RORA: variants seen among roughly 807,000 people sequenced by gnomAD.
The protein encoded by RORA is RAR related orphan receptor A.
A neutral mutation model predicts 69.5 loss-of-function variants in RORA; 7 were observed. The ratio of observed to expected loss-of-function variants is 0.10; its 90% CI spans 0.06 to 0.19. The LOEUF is 0.19. Among genes scored for constraint, RORA ranks in the 10% least tolerant of loss-of-function variants. RORA has a pLI of 1.00. For missense variants in RORA, 457 were observed against 663.0 expected (o/e 0.69, Z 3.41); for synonymous variants, 261 against 240.8 (o/e 1.08, Z -0.78).
At chr15:60,999,138 A>G (rs1014381200) in intron 1 of RORA, among the ~76,000 whole-genome samples, 40 of 152,196 alleles carry the variant, frequency 2.6e-4, no homozygotes, top group African/African-American at 8.4e-4. Context: ...CAAGCAGTGG[A>G]ATTCTTTTTG....
chr15:61,212,250 G>T, intron 1 of RORA, among the ~76,000 whole-genome samples: 1 of 48,048 alleles, frequency 2.1e-5, no homozygotes, highest in African/African-American at 4.8e-5. Context: ...TTGTTTGTTT[G>T]TTTGTTTTAA....
chr15:61,077,358 TG>T (rs1439113095), intron 1 of RORA, among the ~76,000 whole-genome samples: 1 of 152,182 alleles, frequency 6.6e-6, no homozygotes, highest in Non-Finnish European at 1.5e-5. Flanking sequence ...TTAGGGGAAC[TG>T]AAGAATTGTG....
intron 1 of RORA, among the ~76,000 whole-genome samples, chr15:61,040,830 A>T (rs907806346): frequency 6.6e-6 from 1 of 152,194 alleles, no homozygotes; most frequent in African/African-American, 2.4e-5. Context: ...CATAATCAAT[A>T]ATCACTCATT....
rs527871004 is a variant in RORA, at chr15:61,175,659, A to G, written c.166+53394T>C. On this transcript the variant is annotated intron_variant, in intron 1 of 10. Transcript: ENST00000335670. ...TTGAGCCCGGGAGGTTGAGGCTGCA[A>G]TGAGCCATAATTGTGTCACTGCACT... 1.4e-4 allele frequency among the ~76,000 whole-genome samples: 22 copies of G among 151,914 alleles called. No homozygotes were observed. In the South Asian group the frequency reaches 2.5e-3, roughly 17 times the overall value.
At chr15:60,753,147 C>G (rs1165041410) in intron 1 of RORA, among the ~76,000 whole-genome samples, 3 of 152,192 alleles carry the variant, frequency 2.0e-5, no homozygotes, top group African/African-American at 7.2e-5. Flanking sequence ...GTTAGAGGTT[C>G]AGAACAGGGA....
chr15:61,059,953 GA>G (rs1485110041), intron 1 of RORA, among the ~76,000 whole-genome samples: 39 of 138,010 alleles, frequency 2.8e-4, no homozygotes, highest in African/African-American at 1.0e-3. Context: ...AGAAGAAGAA[GA>G]AGAAGAAGAG....
intron 1 of RORA, among the ~76,000 whole-genome samples, chr15:60,863,006 C>A (rs2073449499): frequency 6.6e-6 from 1 of 152,190 alleles, no homozygotes; most frequent in Admixed American, 6.5e-5. Flanking sequence ...AAATGCAAGA[C>A]TGAGTCTTGC....
At position 60,511,410 on chromosome 15, in the gene RORA, A is replaced by T. The variant is rs2065692734; in HGVS notation, c.636T>A (p.Ser212Arg). 6.2e-7 allele frequency: 1 copy of T among 1,613,772 alleles called. No individual in the cohort carries two copies. Among genetic ancestry groups the T allele is most frequent in the Admixed American group, 1.7e-5 (1 of 59,978 alleles). The part of the protein sequence containing the change: ...NYIDGHTPEG[S>R]KADSAVSSFY... ...AGCTGCTGACGGCGGAGTCTGCCTT[A>T]CTCCCCTCAGGGGTGTGCCCGTCAA... is the stretch of plus-strand genomic sequence containing the variant. Residue 212 changes from serine (S) to arginine (R), a missense_variant, in exon 5 of 11, where the codon AGT (serine) becomes AGA (arginine). Coordinates refer to ENST00000335670, the MANE Select transcript of RORA (RefSeq NM_134261.3). The surrounding 1 kb of genome is among the most constrained non-coding windows in gnomAD (Gnocchi z 6.4).
intron 1 of RORA, among the ~76,000 whole-genome samples, chr15:61,048,454 T>C (rs986088778): frequency 6.6e-6 from 1 of 152,188 alleles, no homozygotes; most frequent in Non-Finnish European, 1.5e-5. Flanking sequence ...CTCTGCCCTC[T>C]GTCAAGAGTC....
chr15:61,228,961 G>T, intron 1 of RORA, 92 bp downstream of exon 1: 1 of 508,418 alleles, frequency 2.0e-6, no homozygotes, highest in Non-Finnish European at 2.5e-6. Context: ...GCGGCCGCCG[G>T]ACCCCGCGCC....
intron 1 of RORA, among the ~76,000 whole-genome samples, chr15:61,225,655 CAACT>C: frequency 6.6e-6 from 1 of 152,262 alleles, no homozygotes; most frequent in Admixed American, 6.5e-5. Context: ...TGTTCCAAAC[CAACT>C]GTGTGGTGGT....
At chr15:60,743,394 G>A (rs561611256) in intron 1 of RORA, among the ~76,000 whole-genome samples, 9 of 152,142 alleles carry the variant, frequency 5.9e-5, no homozygotes, top group Admixed American at 6.5e-5. Flanking sequence ...CATAGCAAAG[G>A]TTAAGTAGCT....
At chr15:60,786,012 A>G (rs1595713548) in intron 1 of RORA, among the ~76,000 whole-genome samples, 1 of 152,202 alleles carries the variant, frequency 6.6e-6, no homozygotes, top group East Asian at 1.9e-4. Context: ...AATGGAATGA[A>G]TGGATCCCTG....
chr15:60,660,174 T>C (rs188411824), intron 2 of RORA, among the ~76,000 whole-genome samples: 1 of 152,322 alleles, frequency 6.6e-6, no homozygotes, highest in Non-Finnish European at 1.5e-5. Context: ...AAATATTTCT[T>C]TTAGACGCTG....
chr15:60,712,841 T>G (rs1235626936), intron 1 of RORA, among the ~76,000 whole-genome samples: 1 of 152,184 alleles, frequency 6.6e-6, no homozygotes, highest in Non-Finnish European at 1.5e-5. Flanking sequence ...GTTGCTTGAC[T>G]TAGAACAGAT....
chr15:60,804,596 G>C (rs1179477487), intron 1 of RORA, among the ~76,000 whole-genome samples: 1 of 152,202 alleles, frequency 6.6e-6, no homozygotes, highest in Non-Finnish European at 1.5e-5. Flanking sequence ...ATGTGGCTAA[G>C]TGAGTTTGAT....
chr15:60,578,174 T>G (rs1044426930), intron 2 of RORA, among the ~76,000 whole-genome samples: 2 of 152,230 alleles, frequency 1.3e-5, no homozygotes, highest in African/African-American at 2.4e-5. Flanking sequence ...TATTTTGCAC[T>G]TTGAGTGGAT....
intron 1 of RORA, among the ~76,000 whole-genome samples, chr15:60,894,665 C>T (rs1336872977): frequency 1.3e-5 from 2 of 152,184 alleles, no homozygotes; most frequent in Non-Finnish European, 2.9e-5. Flanking sequence ...GGGCTCCCTC[C>T]CTAGACTTTC....
chr15:60,750,092 T>A (rs1312588765), intron 1 of RORA, among the ~76,000 whole-genome samples: 1 of 152,228 alleles, frequency 6.6e-6, no homozygotes, highest in East Asian at 1.9e-4. Context: ...TCATTTATTA[T>A]TTCATATTAT....
Sources: allele counts gnomAD v4.1 joint callset (sites outside exome capture counted in the v4.1 genomes callset), GRCh38; gene constraint gnomAD v4.1.1; non-coding constraint Gnocchi (gnomAD v3.1); transcripts MANE v1.5; gene names NCBI Gene and HGNC (gene_info 2026-07-23, HGNC 2026-07-21).